The following MEN1 variants were observed in gnomAD, a reference collection of about 807,000 sequenced individuals.
MEN1 encodes menin 1.
In MEN1, 6 loss-of-function variants were observed where a neutral mutation model predicts 58.0. The ratio of observed to expected loss-of-function variants is 0.10; its 90% confidence interval spans 0.06 to 0.20. MEN1 has a LOEUF of 0.20. Among genes scored for constraint, MEN1 ranks in the 10% least tolerant of loss-of-function variants. MEN1 has a pLI of 1.00. For synonymous variants in MEN1, 346 were observed against 350.7 expected, an observed-to-expected ratio of 0.99 and a Z score of 0.15; for missense variants, 492 against 818.5, an observed-to-expected ratio of 0.60 and a Z score of 4.87.
chr11:64,807,153 C>T lies in MEN1; in HGVS notation c.824+26G>A, dbSNP rs2136131852. 1.2e-6 allele frequency: 2 copies of T among 1,613,966 alleles called. No individual in the cohort carries two copies. The highest frequency in any genetic ancestry group is 1.7e-6 in the Non-Finnish European group (2 of 1,179,892). ...CCCAGCCCCCCGGCCTCACCAGGCG[C>T]AGCCTGGCCACTTCCCTCTACTGAC... is the stretch of plus-strand genomic sequence containing the variant. On this transcript the variant is annotated intron_variant, in intron 5 of 9. Transcript: ENST00000450708. This position sits in a 1 kb window ranked among gnomAD's most constrained non-coding sequence, Gnocchi z 4.9.
chr11:64,805,813 A>C, intron 7 of MEN1, 43 bp from the exon 8 acceptor site: 1 of 1,612,184 alleles, frequency 6.2e-7, no homozygotes. Flanking sequence ...AAGGGGTCTC[A>C]CCATCGGGGG....
chr11:64,807,807 G>A lies in MEN1; in HGVS notation c.654+84C>T. 2 of 1,605,052 alleles carry A rather than the reference G, an allele frequency of 1.2e-6. No individual in the cohort carries two copies. The highest frequency in any genetic ancestry group is 1.7e-6 in the Non-Finnish European group (2 of 1,172,676). On this transcript the variant is annotated intron_variant, in intron 3 of 9. Transcript: ENST00000450708. The surrounding 1 kb of genome is among the most constrained non-coding windows in gnomAD (Gnocchi z 4.9). ...TGTGGGTGGTGATGGGAAGAAAGGG[G>A]TGTGGCCCAAGAAAATGGAGTCCCT...
At position 64,809,748 on chromosome 11, in the gene MEN1, A is replaced by G. The variant is rs1218573619; in HGVS notation, c.362T>C (p.Val121Ala). ...GVSSRELVKK[V>A]SDVIWNSLSR... The stretch of plus-strand genomic sequence containing the variant: ...GAGGCTGTTCCATATGACATCGGAG[A>G]CCTTCTTCACCAGCTCACGGCTGGA... The change falls in exon 2 of 10, where the codon GTC becomes GCC. Residue 121 changes from valine (V) to alanine (A), a missense_variant. Around this residue, in one of 5 missense-constraint regions of MEN1, gnomAD observed 335 missense variants for 550.3 expected, o/e 0.61. Transcript: ENST00000450708. 1.9e-6 allele frequency: 3 copies of G among 1,613,960 alleles called. No individual in the cohort carries two copies. In the South Asian group the frequency reaches 3.3e-5, roughly 18 times the overall value.
At position 64,807,413 on chromosome 11, in the gene MEN1, AAGGCC is replaced by A; in HGVS notation, c.783+134_783+138del. On this transcript the variant is annotated intron_variant, in intron 4 of 9. Coordinates refer to ENST00000450708, the MANE Select transcript of MEN1 (RefSeq NM_001370259.2). The surrounding 1 kb of genome is among the most constrained non-coding windows in gnomAD (Gnocchi z 4.9). Reference sequence around the variant, plus strand: ...TTCTACTCTCCCAAGAGCCCTGGGAAAGGCCAGGCCAGGAATTACTAACCCATTTT... The same window carrying A: ...TTCTACTCTCCCAAGAGCCCTGGGAAAGGCCAGGAATTACTAACCCATTTT... 9.2e-7 allele frequency: 1 copy of A among 1,085,658 alleles called. No homozygotes were observed. Among genetic ancestry groups the A allele is most frequent in the Non-Finnish European group, 1.4e-6 (1 of 731,212 alleles). The allele number at this position is 1,085,658 out of a possible 1,614,324, so 67.3% of individuals were successfully genotyped here.
chr11:64,807,816 A>T lies in MEN1; in HGVS notation c.654+75T>A. 1 of 1,607,820 alleles carries T rather than the reference A, an allele frequency of 6.2e-7. No homozygotes were observed. Among genetic ancestry groups the T allele is most frequent in the Non-Finnish European group, 8.5e-7 (1 of 1,174,988 alleles). On this transcript the variant is annotated intron_variant, in intron 3 of 9. Transcript: ENST00000450708. The surrounding 1 kb of genome is among the most constrained non-coding windows in gnomAD (Gnocchi z 4.9). ...TGATGGGAAGAAAGGGGTGTGGCCC[A>T]AGAAAATGGAGTCCCTTGGGTGGCT...
Position 64,807,695 on chromosome 11 carries a change from A to G in MEN1, c.655-15T>C. The G allele has an allele frequency of 6.2e-7, 1 of 1,614,098 alleles. No individual in the cohort carries two copies. The highest frequency in any genetic ancestry group is 8.5e-7 in the Non-Finnish European group (1 of 1,180,036). On this transcript the variant is annotated splice_polypyrimidine_tract_variant and intron_variant, in intron 3 of 9. Transcript: ENST00000450708. The surrounding 1 kb of genome is among the most constrained non-coding windows in gnomAD (Gnocchi z 4.9). Reference sequence around the variant, plus strand: ...TACAGCCAGCTCTTAGGGGGGGATGAGATCATTATGTCTCATGATGGCCCA... The same window carrying G: ...TACAGCCAGCTCTTAGGGGGGGATGGGATCATTATGTCTCATGATGGCCCA...
At position 64,810,136 on chromosome 11, in the gene MEN1, C is replaced by T; in HGVS notation, c.-23-4G>A. On this transcript the variant is annotated splice_region_variant and splice_polypyrimidine_tract_variant and intron_variant, in intron 1 of 9. Coordinates refer to ENST00000450708, the MANE Select transcript of MEN1 (RefSeq NM_001370259.2). The stretch of plus-strand genomic sequence containing the variant: ...GCGGCGGGCGGTGGGCGGCGGCCTG[C>T]AAGGCAAGCCGGGGGAGGGAGGGTC... 3 of 511,636 alleles carry T rather than the reference C, an allele frequency of 5.9e-6. No homozygotes were observed. Among genetic ancestry groups the T allele is most frequent in the Non-Finnish European group, 9.5e-6 (3 of 316,356 alleles). 31.7% of individuals were successfully genotyped at this position (511,636 alleles called of 1,614,324 possible). A position where few individuals can be genotyped will look rare whatever the true frequency, so the allele number is the denominator to read the frequency against.
chr11:64,804,270 C>T lies in MEN1; in HGVS notation c.*64G>A, dbSNP rs1941477345. On this transcript the variant is annotated 3_prime_UTR_variant, in exon 10 of 10. Coordinates refer to ENST00000450708, the MANE Select transcript of MEN1 (RefSeq NM_001370259.2). This position sits in a 1 kb window ranked among gnomAD's most constrained non-coding sequence, Gnocchi z 4.2. ...CTTTGGGCTGGGGGCAGAACATGGG[C>T]TCAGAGTTGGGGGACTAAGGGCGGA... The T allele has an allele frequency of 1.2e-6, 2 of 1,611,276 alleles. No individual in the cohort carries two copies. The highest frequency in any genetic ancestry group is 1.7e-6 in the Non-Finnish European group (2 of 1,178,446).
In MEN1 at chr11:64,808,014, C is replaced by T. The variant is rs146568011; in HGVS notation, c.531G>A (p.Leu177=). 2.2e-5 allele frequency: 35 copies of T among 1,614,114 alleles called. No individual in the cohort carries two copies. Among genetic ancestry groups the T allele is most frequent in the African/African-American group, 4.0e-5 (3 of 74,950 alleles). ...ACACTACCCAGGCATGATCCTCAGA[C>T]AGGGCGAGGTGGACATCCCGGAGAC... ...ALGLRDVHLA[L]SEDHAWVVFG... Residue 177 remains leucine, a synonymous_variant, in exon 3 of 10, where the codon CTG becomes CTA. Transcript: ENST00000450708.
intron 2 of MEN1, among the ~76,000 whole-genome samples, chr11:64,809,320 G>A (rs1450829696): frequency 1.3e-5 from 2 of 150,432 alleles, no homozygotes; most frequent in Non-Finnish European, 3.0e-5. Flanking sequence ...TGCCTCAAAT[G>A]CAGCCCAATT....
Position 64,807,476 on chromosome 11 carries a change from A to C in MEN1, c.783+76T>G. ...GGGGAAGCTGAAGCTCAGGAAGGGA[A>C]AGTGCCCCTGCCCAGGGTCCCACAG... On this transcript the variant is annotated intron_variant, in intron 4 of 9. Transcript: ENST00000450708. The surrounding 1 kb of genome is among the most constrained non-coding windows in gnomAD (Gnocchi z 4.9). 2 of 1,506,482 alleles carry C rather than the reference A, an allele frequency of 1.3e-6. No homozygotes were observed. The allele number at this position is 1,506,482 out of a possible 1,614,324, so 93.3% of individuals were successfully genotyped here.
Position 64,803,993 on chromosome 11 carries a change from G to T in MEN1, c.*341C>A. On this transcript the variant is annotated 3_prime_UTR_variant, in exon 10 of 10. Coordinates refer to ENST00000450708, the MANE Select transcript of MEN1 (RefSeq NM_001370259.2). ...TCCTACAAGCTGGGAGGAGCCCTGA[G>T]TAACGTTGGTCTGGCTCTAGGTGAG... 2.3e-6 allele frequency: 1 copy of T among 432,632 alleles called. No individual in the cohort carries two copies. The allele number at this position is 432,632 out of a possible 1,614,324, so 26.8% of individuals were successfully genotyped here.
chr11:64,805,986 G>A lies in MEN1; in HGVS notation c.1050-216C>T, dbSNP rs998892417. ...GGAAGTCCCACTGCTGGATGATGGTGGTTAAACATTGGAGATTTGAGACTG... is the reference window on the plus strand; with the variant it reads ...GGAAGTCCCACTGCTGGATGATGGTAGTTAAACATTGGAGATTTGAGACTG... On this transcript the variant is annotated intron_variant, in intron 7 of 9. Transcript: ENST00000450708. 5.5e-5 allele frequency: 36 copies of A among 650,840 alleles called. No individual in the cohort carries two copies. The highest frequency in any genetic ancestry group is 9.1e-5 in the Non-Finnish European group (34 of 375,508). 40.3% of individuals were successfully genotyped at this position (650,840 alleles called of 1,614,324 possible).
chr11:64,811,222 G>C (rs1035784454), upstream of MEN1: 1 of 149,488 alleles, frequency 6.7e-6, no homozygotes, highest in African/African-American at 2.5e-5. Context: ...TCAGCCTCCC[G>C]AGTAGCTGTG....
In MEN1 at chr11:64,804,098, T is replaced by G. The variant is rs1941463884; in HGVS notation, c.*236A>C. 1 of 576,070 alleles carries G rather than the reference T, an allele frequency of 1.7e-6. No individual in the cohort carries two copies. Among genetic ancestry groups the G allele is most frequent in the East Asian group, 3.0e-5 (1 of 33,794 alleles). The allele number at this position is 576,070 out of a possible 1,614,324, so 35.7% of individuals were successfully genotyped here. On this transcript the variant is annotated 3_prime_UTR_variant, in exon 10 of 10. Transcript: ENST00000450708. This position sits in a 1 kb window ranked among gnomAD's most constrained non-coding sequence, Gnocchi z 4.2. ...TTAGGACCCAGCGTGAGGTTTCCAT[T>G]GGCCGGCTGGGATTCTGGGAGAAGA...
At position 64,809,658 on chromosome 11, in the gene MEN1, C is replaced by A. The variant is rs2136177428; in HGVS notation, c.445+7G>T. 1.2e-6 allele frequency: 2 copies of A among 1,614,068 alleles called. No individual in the cohort carries two copies. The highest frequency in any genetic ancestry group is 1.7e-6 in the Non-Finnish European group (2 of 1,179,910). On this transcript the variant is annotated splice_region_variant and intron_variant, in intron 2 of 9. Transcript: ENST00000450708. ...ATGGATAAGATTCCCACCTACTGGG[C>A]TCCAACCTGTGATGAAGCTGAAGAG...
chr11:64,810,149 GGGAGGGAGGGT>G lies in MEN1; in HGVS notation c.-23-28_-23-18del. 7.4e-7 allele frequency: 1 copy of G among 1,347,058 alleles called. No individual in the cohort carries two copies. Among genetic ancestry groups the G allele is most frequent in the Non-Finnish European group, 1.0e-6 (1 of 986,590 alleles). 83.4% of individuals were successfully genotyped at this position (1,347,058 alleles called of 1,614,324 possible). ...GGCGGCGGCCTGCAAGGCAAGCCGG[GGGAGGGAGGGT>G]CGGGCAGGTTCGGCCGGGGAGCCTC... On this transcript the variant is annotated intron_variant, in intron 1 of 9. Transcript: ENST00000450708.
In MEN1 at chr11:64,807,005, C is replaced by A. The variant is rs755302991; in HGVS notation, c.912+6G>T. ...TCCCTTCTGCACCCTCCTTAGATGC[C>A]CCCACCTTGTGGTAGAGGGTGAGTG... On this transcript the variant is annotated splice_donor_region_variant and intron_variant, in intron 6 of 9. Coordinates refer to ENST00000450708, the MANE Select transcript of MEN1 (RefSeq NM_001370259.2). The surrounding 1 kb of genome is among the most constrained non-coding windows in gnomAD (Gnocchi z 4.9). The A allele has an allele frequency of 6.2e-7, 1 of 1,612,364 alleles. No individual in the cohort carries two copies. Among genetic ancestry groups the A allele is most frequent in the East Asian group, 2.2e-5 (1 of 44,874 alleles).
At chr11:64,810,974 T>A (rs1437331358), upstream of MEN1, 1 of 151,954 alleles carries the variant, frequency 6.6e-6, no homozygotes, top group East Asian at 1.9e-4. Flanking sequence ...TGCCAGAGAG[T>A]AAATGTGTTC....
Sources: gnomAD v4.1 joint callset for allele counts (sites outside exome capture counted in the v4.1 genomes callset) on GRCh38, gnomAD v4.1.1 for gene constraint, gnomAD v4.1.1 regional missense constraint, Gnocchi (gnomAD v3.1) non-coding constraint, MANE v1.5 for transcripts, NCBI Gene and HGNC (gene_info 2026-07-23, HGNC 2026-07-21) for gene names.